POGZ: variants seen among roughly 807,000 people sequenced by gnomAD.
POGZ encodes the protein pogo transposable element with ZNF domain.
In POGZ, 17 loss-of-function variants were observed where a neutral mutation model predicts 134.6. The observed-to-expected ratio is 0.13, with a 90% CI of 0.09 to 0.19. The LOEUF is 0.19. Ranked by LOEUF, POGZ falls within the 10% of genes least tolerant of loss-of-function variation. The pLI, the probability that POGZ is intolerant of heterozygous loss-of-function variation, is 1.00. For synonymous variants in POGZ, 693 were observed against 657.1 expected (o/e 1.05, Z -0.84); for missense variants, 1,306 against 1,769.7 (o/e 0.74, Z 4.70).
At chr1:151,457,940 A>G (rs1048231405) in intron 1 of POGZ, among the ~76,000 whole-genome samples, 1 of 150,370 alleles carries the variant, frequency 6.7e-6, no homozygotes, top group Non-Finnish European at 1.5e-5. Context: ...AAAAAAAAAA[A>G]AAAGTAAAAC....
chr1:151,416,948 A>AT (rs1198449749), intron 10 of POGZ, among the ~76,000 whole-genome samples: 1 of 151,894 alleles, frequency 6.6e-6, no homozygotes, highest in East Asian at 1.9e-4. Flanking sequence ...TGTTATTAAG[A>AT]TGATACTGTT....
At chr1:151,452,877 C>T (rs1326731768) in intron 1 of POGZ, among the ~76,000 whole-genome samples, 1 of 151,310 alleles carries the variant, frequency 6.6e-6, no homozygotes, top group Admixed American at 6.7e-5. Context: ...AAAAAAAAGT[C>T]ACTCTGTCTA....
intron 3 of POGZ, among the ~76,000 whole-genome samples, chr1:151,437,097 G>A (rs2102342453): frequency 6.6e-6 from 1 of 152,142 alleles, no homozygotes; most frequent in East Asian, 1.9e-4. Context: ...GGGAGACTGA[G>A]GTACGAGAAT....
chr1:151,411,594 G>T, intron 12 of POGZ, 31 bp downstream of exon 12: 1 of 1,454,490 alleles, frequency 6.9e-7, no homozygotes, highest in Non-Finnish European at 9.4e-7. Flanking sequence ...AAAAAAACAA[G>T]AGAATATGGG....
intron 15 of POGZ, 60 bp from the exon 16 acceptor site, chr1:151,407,351 C>G (rs986135173): frequency 1.7e-6 from 2 of 1,173,492 alleles, no homozygotes; most frequent in South Asian, 2.6e-5. Context: ...CTAGAGATCA[C>G]CAGCCAGTGA....
intron 10 of POGZ, among the ~76,000 whole-genome samples, chr1:151,419,689 A>AAC (rs1557893770): frequency 6.7e-6 from 1 of 149,360 alleles, no homozygotes; most frequent in Non-Finnish European, 1.5e-5. Flanking sequence ...AAAAAAAAAA[A>AAC]AAAAAACTAC....
intron 10 of POGZ, among the ~76,000 whole-genome samples, chr1:151,417,067 T>C (rs1412219743): frequency 2.0e-5 from 3 of 151,468 alleles, no homozygotes; most frequent in Non-Finnish European, 4.4e-5. Flanking sequence ...TTCTGTTAGA[T>C]CTTTTTTTTT....
rs370460552 is a variant in POGZ at position 151,421,185 on chromosome 1, T to C, written c.1678+2212A>G. On this transcript the variant is annotated intron_variant, in intron 10 of 18. Coordinates refer to ENST00000271715, the MANE Select transcript of POGZ (RefSeq NM_015100.4). Reference sequence around the variant, plus strand: ...TTTTGGACTGTGATTGAGACTAAAATTGAGGATAAGGGAGCGCTACTGTAT... The same window carrying C: ...TTTTGGACTGTGATTGAGACTAAAACTGAGGATAAGGGAGCGCTACTGTAT... Among the ~76,000 whole-genome samples the C allele has an allele frequency of 2.2e-3, 341 of 152,166 alleles. 1 individual carries two copies. The highest frequency in any genetic ancestry group is 6.7e-3 in the African/African-American group (279 of 41,538).
intron 3 of POGZ, among the ~76,000 whole-genome samples, chr1:151,438,264 C>T (rs972769939): frequency 1.3e-5 from 2 of 151,678 alleles, no homozygotes; most frequent in Admixed American, 1.3e-4. Context: ...AGTTACAGAA[C>T]TGTATGTATT....
chr1:151,405,114 T>C lies in POGZ; in HGVS notation c.3921A>G (p.Glu1307=), dbSNP rs1216374028. The part of the protein sequence containing the change: ...LLQLVLVWLG[E]VLGVIGDCPE... ...GACAGTCCCCAATGACACCTAGCAC[T>C]TCACCCAGCCAGACAAGCACCAGCT... Residue 1307 remains glutamate (E), a synonymous_variant, in exon 19 of 19, where the codon GAA becomes GAG. Transcript: ENST00000271715. The surrounding 1 kb of genome is among the most constrained non-coding windows in gnomAD (Gnocchi z 4.9). 6.2e-7 allele frequency: 1 copy of C among 1,614,186 alleles called. No homozygotes were observed. The highest frequency in any genetic ancestry group is 1.7e-5 in the Admixed American group (1 of 60,032).
intron 1 of POGZ, among the ~76,000 whole-genome samples, chr1:151,456,640 T>G (rs1357399547): frequency 1.3e-5 from 2 of 152,200 alleles, no homozygotes; most frequent in African/African-American, 4.8e-5. Flanking sequence ...TAAAAAGACA[T>G]GTAGTCAAAA....
chr1:151,429,249 A>G (rs1658300362), intron 5 of POGZ, among the ~76,000 whole-genome samples: 1 of 152,168 alleles, frequency 6.6e-6, no homozygotes. Context: ...ATTAAAACAA[A>G]GTTTATAATC....
intron 10 of POGZ, among the ~76,000 whole-genome samples, chr1:151,415,842 A>T (rs1655546382): frequency 6.6e-6 from 1 of 152,114 alleles, no homozygotes; most frequent in Admixed American, 6.5e-5. Context: ...CAAAGTTTAT[A>T]TGTAATTTCA....
intron 7 of POGZ, chr1:151,427,582 C>T: frequency 2.2e-6 from 1 of 456,518 alleles, no homozygotes; most frequent in African/African-American, 1.9e-5. Flanking sequence ...TTATCTCACC[C>T]ATCTTTAATC....
chr1:151,423,587 T>C, intron 9 of POGZ, 36 bp from the exon 10 acceptor site: 1 of 1,535,184 alleles, frequency 6.5e-7, no homozygotes, highest in Middle Eastern at 1.7e-4. Flanking sequence ...ACAGAAAACA[T>C]AAAAAATTGG....
At chr1:151,416,836 T>C (rs1655810716) in intron 10 of POGZ, among the ~76,000 whole-genome samples, 3 of 152,008 alleles carry the variant, frequency 2.0e-5, no homozygotes, top group African/African-American at 7.2e-5. Flanking sequence ...CTCACTATAT[T>C]CGCCAGGCTG....
Position 151,404,628 on chromosome 1 carries a change from A to T in POGZ, c.*174T>A. 1 of 1,362,992 alleles carries T rather than the reference A, an allele frequency of 7.3e-7. No individual in the cohort carries two copies. The highest frequency in any genetic ancestry group is 2.1e-5 in the South Asian group (1 of 48,062). 84.4% of individuals were successfully genotyped at this position (1,362,992 alleles called of 1,614,324 possible). ...AGACGTGATTACTATTGGTTTTCCTAATTAATCCACAAATCCACAGGGAAG... is the reference window on the plus strand; with the variant it reads ...AGACGTGATTACTATTGGTTTTCCTTATTAATCCACAAATCCACAGGGAAG... On this transcript the variant is annotated 3_prime_UTR_variant, in exon 19 of 19. Coordinates refer to ENST00000271715, the MANE Select transcript of POGZ (RefSeq NM_015100.4).
intron 7 of POGZ, chr1:151,426,329 G>A (rs986703475): frequency 2.0e-5 from 3 of 151,972 alleles, no homozygotes; most frequent in African/African-American, 7.3e-5. Flanking sequence ...TGGGAATACA[G>A]GCACACACCA....
At chr1:151,458,668 C>T (rs1404050492) in intron 1 of POGZ, among the ~76,000 whole-genome samples, 5 of 145,494 alleles carry the variant, frequency 3.4e-5, no homozygotes, top group Admixed American at 3.4e-4. Flanking sequence ...CGCGCCCCGC[C>T]GTCTCGCCAC....
Sources: allele counts gnomAD v4.1 joint callset (sites outside exome capture counted in the v4.1 genomes callset), GRCh38; gene constraint gnomAD v4.1.1; non-coding constraint Gnocchi (gnomAD v3.1); transcripts MANE v1.5; gene names NCBI Gene and HGNC (gene_info 2026-07-23, HGNC 2026-07-21).